Variants in DDX4 observed in about 807,000 individuals in gnomAD.
DDX4 encodes the protein probable ATP-dependent RNA helicase DDX4.
DDX4 carries 25 observed loss-of-function variants against 100.0 expected under a neutral mutation model. That is an observed-to-expected ratio of 0.25 (90% CI 0.18 to 0.35). DDX4 has a LOEUF of 0.35. Among genes scored for constraint, DDX4 ranks in the 10% least tolerant of loss-of-function variants. The probability of loss-of-function intolerance (pLI) is 1.00; values close to 1 mark genes in which losing one functional copy is unlikely to be tolerated. For synonymous variants in DDX4, 259 were observed against 275.7 expected (o/e 0.94, Z 0.60); for missense variants, 635 against 882.4 (o/e 0.72, Z 3.55).
chr5:55,781,213 A>T, intron 9 of DDX4, 67 bp downstream of exon 9: 1 of 1,270,224 alleles, frequency 7.9e-7, no homozygotes. Context: ...GGATTAGTAA[A>T]CCTAATATAT....
At chr5:55,785,551 A>G in intron 12 of DDX4, 57 bp downstream of exon 12, 6 of 1,407,794 alleles carry the variant, frequency 4.3e-6, no homozygotes, top group Non-Finnish European at 5.9e-6. Context: ...ATAATGCTTA[A>G]GTATTTTACT....
chr5:55,752,807 A>G (rs1037606697), intron 3 of DDX4, among the ~76,000 whole-genome samples: 1 of 144,812 alleles, frequency 6.9e-6, no homozygotes, highest in African/African-American at 2.6e-5. Context: ...CCAACAGTGT[A>G]AAAGTGTTCC....
intron 4 of DDX4, among the ~76,000 whole-genome samples, chr5:55,762,923 A>G (rs984009917): frequency 6.6e-6 from 1 of 152,136 alleles, no homozygotes; most frequent in African/African-American, 2.4e-5. Flanking sequence ...TTCCTGCTTG[A>G]AGGTCTCCAA....
chr5:55,784,867 C>T (rs1742148682), intron 10 of DDX4, among the ~76,000 whole-genome samples: 1 of 152,224 alleles, frequency 6.6e-6, no homozygotes, highest in African/African-American at 2.4e-5. Flanking sequence ...CTGGTTTTCT[C>T]TGGGTTTTGC....
chr5:55,764,044 A>G lies in DDX4; in HGVS notation c.314A>G (p.Asp105Gly). The change falls in exon 6 of 22, where the codon GAT becomes GGT. Residue 105 changes from aspartate (D) to glycine (G), a missense_variant. Transcript: ENST00000505374. The stretch of plus-strand genomic sequence containing the variant: ...TCAAACAGCAGGTTTGAAGATGGTG[A>G]TAGCTCTGGTTTCTGGAGAGGTAAG... ...GFSNSRFEDG[D>G]SSGFWRESSN... 1 of 1,610,886 alleles carries G rather than the reference A, an allele frequency of 6.2e-7. No individual in the cohort carries two copies. The highest frequency in any genetic ancestry group is 8.5e-7 in the Non-Finnish European group (1 of 1,177,354).
Position 55,781,053 on chromosome 5 carries a change from T to G in DDX4, c.497-13T>G. On this transcript the variant is annotated splice_polypyrimidine_tract_variant and intron_variant, in intron 8 of 21. Transcript: ENST00000505374. ...AAAGTAATGTAATCTAATTTTACTTTCTGCAAATCAAGATAATGACTTAGA... is the reference window on the plus strand; with the variant it reads ...AAAGTAATGTAATCTAATTTTACTTGCTGCAAATCAAGATAATGACTTAGA... 6.3e-7 allele frequency: 1 copy of G among 1,590,270 alleles called. No homozygotes were observed. The highest frequency in any genetic ancestry group is 1.4e-5 in the African/African-American group (1 of 73,636).
intron 7 of DDX4, among the ~76,000 whole-genome samples, chr5:55,770,245 A>G (rs68046708): frequency 0.062 from 9,452 of 152,168 alleles, 406 homozygotes; most frequent in African/African-American, 0.12. Flanking sequence ...TGTGCTATCA[A>G]TTACAGAAGA....
At chr5:55,802,232 C>G (rs1357057173) in intron 18 of DDX4, among the ~76,000 whole-genome samples, 1 of 152,024 alleles carries the variant, frequency 6.6e-6, no homozygotes, top group Non-Finnish European at 1.5e-5. Flanking sequence ...ACTAAGGAGA[C>G]TTAGTTAAGA....
intron 6 of DDX4, among the ~76,000 whole-genome samples, chr5:55,767,149 T>C (rs1350180176): frequency 2.0e-5 from 3 of 152,148 alleles, no homozygotes; most frequent in African/African-American, 4.8e-5. Flanking sequence ...TTATTAAGAA[T>C]GGTAAATTGG....
At chr5:55,801,704 A>G (rs1293600393) in intron 18 of DDX4, among the ~76,000 whole-genome samples, 1 of 152,196 alleles carries the variant, frequency 6.6e-6, no homozygotes, top group Non-Finnish European at 1.5e-5. Flanking sequence ...TTAACAATAA[A>G]TGGGCCTCCT....
At chr5:55,785,585 A>C in intron 12 of DDX4, 91 bp downstream of exon 12, 2 of 1,327,162 alleles carry the variant, frequency 1.5e-6, no homozygotes, top group East Asian at 4.6e-5. Flanking sequence ...ATCTTTTAAA[A>C]ATTTGAACAG....
intron 12 of DDX4, 25 bp from the exon 13 acceptor site, chr5:55,785,704 T>A (rs1221871380): frequency 6.3e-7 from 1 of 1,597,794 alleles, no homozygotes; most frequent in South Asian, 1.1e-5. Flanking sequence ...GTAACGTACA[T>A]TATGTTTTTA....
chr5:55,796,806 T>C (rs1001212097), intron 17 of DDX4, among the ~76,000 whole-genome samples: 2 of 148,836 alleles, frequency 1.3e-5, no homozygotes, highest in African/African-American at 4.9e-5. Context: ...ACTTTTCTTT[T>C]CTTTTTTTCT....
intron 18 of DDX4, among the ~76,000 whole-genome samples, chr5:55,804,243 T>C (rs1177975018): frequency 6.6e-6 from 1 of 152,152 alleles, no homozygotes; most frequent in East Asian, 1.9e-4. Flanking sequence ...GATGAGTAGG[T>C]TGCGAAAATT....
intron 7 of DDX4, among the ~76,000 whole-genome samples, chr5:55,770,809 T>C (rs956900596): frequency 2.6e-5 from 4 of 152,194 alleles, no homozygotes; most frequent in African/African-American, 9.7e-5. Flanking sequence ...ACTCATCTTT[T>C]ACCATATTTT....
At chr5:55,742,199 C>G (rs1759014968) in intron 2 of DDX4, 1 of 456,260 alleles carries the variant, frequency 2.2e-6, no homozygotes, top group South Asian at 1.5e-5. Flanking sequence ...AACCATTAGG[C>G]ATTTGCACGT....
chr5:55,801,443 A>G (rs895824763), intron 18 of DDX4, among the ~76,000 whole-genome samples: 15 of 152,290 alleles, frequency 9.8e-5, no homozygotes, highest in Non-Finnish European at 2.2e-4. Flanking sequence ...TTCAGGGGAA[A>G]ACTTTATTTG....
chr5:55,772,487 G>A (rs1197749244), intron 7 of DDX4, among the ~76,000 whole-genome samples: 2 of 152,154 alleles, frequency 1.3e-5, no homozygotes, highest in African/African-American at 4.8e-5. Context: ...AATAGGTCCT[G>A]ATATCTGGCA....
chr5:55,815,268 A>C, intron 20 of DDX4, 45 bp from the exon 21 acceptor site: 4 of 1,594,032 alleles, frequency 2.5e-6, no homozygotes, highest in Non-Finnish European at 3.4e-6. Context: ...AACTTTTCCA[A>C]TATTTAATAC....
Sources: gnomAD v4.1 joint callset for allele counts (sites outside exome capture counted in the v4.1 genomes callset) on GRCh38, gnomAD v4.1.1 for gene constraint, MANE v1.5 for transcripts, NCBI Gene and HGNC (gene_info 2026-07-23, HGNC 2026-07-21) for gene names.